UCKL1: variants seen among roughly 807,000 people sequenced by gnomAD.
UCKL1 encodes uridine-cytidine kinase-like 1.
In UCKL1, 65 loss-of-function variants were observed where a neutral mutation model predicts 59.2. The observed-to-expected ratio is 1.10, with a 90% CI of 0.90 to 1.35. The LOEUF (loss-of-function observed/expected upper bound fraction) is 1.35, where lower values mean the gene tolerates loss of function less well. Among genes scored for constraint, UCKL1 ranks in the 40% most tolerant of loss-of-function variants. The pLI is 0.00. For synonymous variants in UCKL1, 410 were observed against 323.1 expected, an observed-to-expected ratio of 1.27 and a Z score of -2.88; for missense variants, 703 against 784.3, an observed-to-expected ratio of 0.90 and a Z score of 1.24.
intron 5 of UCKL1, 142 bp downstream of exon 5, chr20:63,945,509 G>C (rs569594914): frequency 2.5e-6 from 2 of 816,158 alleles, no homozygotes; most frequent in Non-Finnish European, 3.8e-6. Flanking sequence ...CATGCCTGGG[G>C]TTGGGGTTGG....
intron 5 of UCKL1, among the ~76,000 whole-genome samples, chr20:63,945,329 T>G (rs563669400): frequency 6.6e-6 from 1 of 152,140 alleles, no homozygotes; most frequent in South Asian, 2.1e-4. Flanking sequence ...CAGCAAAATC[T>G]CTCAAACACA....
intron 1 of UCKL1, among the ~76,000 whole-genome samples, chr20:63,952,965 G>C (rs866210144): frequency 6.6e-6 from 1 of 152,266 alleles, no homozygotes; most frequent in Admixed American, 6.5e-5. Flanking sequence ...AATAGGCACA[G>C]GTGGCCGGGC....
At position 63,940,915 on chromosome 20, in the gene UCKL1, C is replaced by G. The variant is rs753381123; in HGVS notation, c.1116+35G>C. ...CAGGGAGCTCGCACCGGCTCCAAGACCCACCCTCCACCTCGCGGGCTACGG... is the reference window on the plus strand; with the variant it reads ...CAGGGAGCTCGCACCGGCTCCAAGAGCCACCCTCCACCTCGCGGGCTACGG... On this transcript the variant is annotated intron_variant, in intron 10 of 14. Coordinates refer to ENST00000354216, the MANE Select transcript of UCKL1 (RefSeq NM_017859.4). The G allele has an allele frequency of 5.3e-6, 8 of 1,520,996 alleles. No individual in the cohort carries two copies. The Admixed American group carries it at 1.7e-4, about 32-fold the overall frequency. The allele number at this position is 1,520,996 out of a possible 1,614,324, so 94.2% of individuals were successfully genotyped here. A position where few individuals can be genotyped will look rare whatever the true frequency, so the allele number is the denominator to read the frequency against.
Position 63,945,933 on chromosome 20 carries a change from A to T in UCKL1, c.454T>A (p.Phe152Ile). The change falls in exon 4 of 15, where the codon TTC becomes ATC. Residue 152 changes from phenylalanine to isoleucine, a missense_variant. Physicochemically the swap from Phe to Ile is conservative, Grantham distance 21. Coordinates refer to ENST00000354216, the MANE Select transcript of UCKL1 (RefSeq NM_017859.4). Reference sequence around the variant, plus strand: ...AAGGCATCTGGGTGGTCGAAGTTGAAGTTGTTGTGTGCGGCCTGTTCCTGC... The same window carrying T: ...AAGGCATCTGGGTGGTCGAAGTTGATGTTGTTGTGTGCGGCCTGTTCCTGC... ...QQQEQAAHNN[F>I]NFDHPDAFDF... 1.2e-6 allele frequency: 2 copies of T among 1,613,772 alleles called. No individual in the cohort carries two copies. The highest frequency in any genetic ancestry group is 1.7e-6 in the Non-Finnish European group (2 of 1,179,946).
Position 63,945,695 on chromosome 20 carries a change from T to C in UCKL1, c.610A>G (p.Ile204Val). The change falls in exon 5 of 15, where the codon ATC becomes GTC. Residue 204 changes from isoleucine (I) to valine (V), a missense_variant. Transcript: ENST00000354216. ...GCAAAGGCCATGATGCCCTCAAAGA[T>C]GATGACGTTTGCACCATACAGTGTT... is the stretch of plus-strand genomic sequence containing the variant. ...WKTLYGANVI[I>V]FEGIMAFADK... 6.2e-7 allele frequency: 1 copy of C among 1,613,138 alleles called. No individual in the cohort carries two copies. Among genetic ancestry groups the C allele is most frequent in the Non-Finnish European group, 8.5e-7 (1 of 1,179,846 alleles).
Position 63,945,820 on chromosome 20 carries a change from G to A in UCKL1, c.567C>T (p.Ser189=). ...CCTGGCCTACCCAGTCCTTCTTCCG[G>A]CTGTGCGTGGTGAAGTCATAAATGG... ...KVPIYDFTTH[S]RKKDWKTLYG... is the part of the protein sequence containing the mutation. Residue 189 remains serine, a synonymous_variant, in exon 4 of 15, where the codon AGC becomes AGT. Transcript: ENST00000354216. 1 of 1,613,608 alleles carries A rather than the reference G, an allele frequency of 6.2e-7. No individual in the cohort carries two copies. The highest frequency in any genetic ancestry group is 8.5e-7 in the Non-Finnish European group (1 of 1,179,976).
intron 11 of UCKL1, 25 bp downstream of exon 11, chr20:63,940,769 C>A: frequency 6.2e-7 from 1 of 1,601,804 alleles, no homozygotes. Flanking sequence ...GCCTGTCCCG[C>A]GCCCAGGTGT....
At chr20:63,952,264 G>A (rs928847683) in intron 1 of UCKL1, among the ~76,000 whole-genome samples, 23 of 152,228 alleles carry the variant, frequency 1.5e-4, no homozygotes, top group African/African-American at 5.3e-4. Flanking sequence ...CAGAGTGGAC[G>A]CAGACTGGTC....
chr20:63,945,200 G>A (rs968942144), intron 5 of UCKL1, among the ~76,000 whole-genome samples: 14 of 152,286 alleles, frequency 9.2e-5, no homozygotes, highest in African/African-American at 3.4e-4. Flanking sequence ...TGGAGGCTGG[G>A]GGCTGCTATG....
chr20:63,942,486 TCCTCTGCTTG>T, intron 8 of UCKL1: 1 of 1,175,312 alleles, frequency 8.5e-7, no homozygotes, highest in African/African-American at 1.6e-5. Flanking sequence ...CAACGTAGCT[TCCTCTGCTTG>T]CCAGGTGAAG....
In UCKL1 at chr20:63,945,873, G is replaced by C. The variant is rs1372632726; in HGVS notation, c.514C>G (p.Leu172Val). 1.2e-6 allele frequency: 2 copies of C among 1,613,768 alleles called. No homozygotes were observed. The highest frequency in any genetic ancestry group is 1.7e-6 in the Non-Finnish European group (2 of 1,180,002). Reference protein sequence around the residue: ...FDLIISTLKKLKQGKSVKVPI... With the variant: ...FDLIISTLKKVKQGKSVKVPI... Reference sequence around the variant, plus strand: ...ACCTTGACACTCTTCCCCTGCTTCAGCTTCTTGAGGGTGGAAATGATGAGG... The same window carrying C: ...ACCTTGACACTCTTCCCCTGCTTCACCTTCTTGAGGGTGGAAATGATGAGG... The change falls in exon 4 of 15, where the codon CTG becomes GTG. Residue 172 changes from leucine (L) to valine (V), a missense_variant. Physicochemically the swap from Leu to Val is conservative, Grantham distance 32 (BLOSUM62 1). Around this residue, in one of 4 missense-constraint regions of UCKL1, gnomAD observed 398 missense variants for 373.0 expected, o/e 1.07. Coordinates refer to ENST00000354216, the MANE Select transcript of UCKL1 (RefSeq NM_017859.4).
intron 1 of UCKL1, among the ~76,000 whole-genome samples, chr20:63,948,752 A>T (rs2057076575): frequency 6.6e-6 from 1 of 150,794 alleles, no homozygotes; most frequent in South Asian, 2.1e-4. Flanking sequence ...ACCAGCCCTA[A>T]CCATGATCAC....
intron 8 of UCKL1, chr20:63,942,621 A>T: frequency 1.6e-6 from 1 of 614,872 alleles, no homozygotes; most frequent in Non-Finnish European, 2.7e-6. Context: ...CCTGAGGAGG[A>T]GTGTGGGCGG....
At chr20:63,949,072 A>C (rs1439854470) in intron 1 of UCKL1, among the ~76,000 whole-genome samples, 1 of 152,144 alleles carries the variant, frequency 6.6e-6, no homozygotes, top group African/African-American at 2.4e-5. Flanking sequence ...CGCCGTCTGC[A>C]CCTGACGGGG....
At position 63,945,643 on chromosome 20, in the gene UCKL1, G is replaced by A; in HGVS notation, c.654+8C>T. ...CCAGCGGGGTGGGTATTCCCGGCGG[G>A]TGCTTACCTCCAACAGTGTCTTGTC... is the stretch of plus-strand genomic sequence containing the variant. On this transcript the variant is annotated splice_region_variant and intron_variant, in intron 5 of 14. Transcript: ENST00000354216. 1 of 1,612,700 alleles carries A rather than the reference G, an allele frequency of 6.2e-7. No homozygotes were observed. Among genetic ancestry groups the A allele is most frequent in the Non-Finnish European group, 8.5e-7 (1 of 1,179,702 alleles).
chr20:63,951,256 G>A (rs995039386), intron 1 of UCKL1: 23 of 968,100 alleles, frequency 2.4e-5, no homozygotes, highest in Non-Finnish European at 2.8e-5. Context: ...GACAATCCTC[G>A]GGCCAGCCCT....
Position 63,946,650 on chromosome 20 carries a change from A to G in UCKL1, c.114-7T>C. ...CAGGGACTCTGCATTGCTGCTGCAGAGAGGGATGTACTCGGATGTGGCCCA... is the reference window on the plus strand; with the variant it reads ...CAGGGACTCTGCATTGCTGCTGCAGGGAGGGATGTACTCGGATGTGGCCCA... On this transcript the variant is annotated splice_region_variant and splice_polypyrimidine_tract_variant and intron_variant, in intron 1 of 14. Transcript: ENST00000354216. The G allele has an allele frequency of 6.2e-7, 1 of 1,605,468 alleles. No homozygotes were observed. Among genetic ancestry groups the G allele is most frequent in the Non-Finnish European group, 8.5e-7 (1 of 1,179,410 alleles).
At chr20:63,944,851 C>T (rs2055706502) in intron 5 of UCKL1, 117 bp from the exon 6 acceptor site, 5 of 1,304,666 alleles carry the variant, frequency 3.8e-6, no homozygotes, top group African/African-American at 1.5e-5. Context: ...GCCACTTCCC[C>T]AGGGCACCCT....
intron 5 of UCKL1, 50 bp downstream of exon 5, chr20:63,945,598 GGGC>G (rs2055955488): frequency 1.3e-6 from 2 of 1,588,538 alleles, no homozygotes; most frequent in South Asian, 2.2e-5. Flanking sequence ...CTCATGGACA[GGGC>G]GGCCAGGGCT....
Sources: gnomAD v4.1 joint callset for allele counts (sites outside exome capture counted in the v4.1 genomes callset) on GRCh38, gnomAD v4.1.1 for gene constraint, gnomAD v4.1.1 regional missense constraint, MANE v1.5 for transcripts, NCBI Gene and HGNC (gene_info 2026-07-23, HGNC 2026-07-21) for gene names.